Variants in CDON observed in about 807,000 individuals in gnomAD.
CDON encodes the protein cell adhesion molecule-related/down-regulated by oncogenes.
A neutral mutation model predicts 120.9 loss-of-function variants in CDON; 73 were observed. The ratio of observed to expected loss-of-function variants is 0.60; its 90% CI spans 0.50 to 0.73. CDON has a LOEUF of 0.73. Among genes scored for constraint, CDON ranks in the 30% least tolerant of loss-of-function variants. The pLI, the probability that CDON is intolerant of heterozygous loss-of-function variation, is 0.00. For synonymous variants in CDON, 566 were observed against 573.5 expected (o/e 0.99, Z 0.19); for missense variants, 1,470 against 1,587.3 (o/e 0.93, Z 1.26).
At position 126,011,947 on chromosome 11, in the gene CDON, G is replaced by T. The variant is rs145272128; in HGVS notation, c.1199-1253C>A. ...TTATCCCACATCAAAATGCGAAATG[G>T]GTCTCCTCCCTGCTGATCTGCAATG... is the stretch of plus-strand genomic sequence containing the variant. On this transcript the variant is annotated intron_variant, in intron 7 of 19. Transcript: ENST00000531738. Among the ~76,000 whole-genome samples the T allele has an allele frequency of 6.6e-3, 999 of 152,084 alleles. 14 individuals carry two copies. The highest frequency in any genetic ancestry group is 0.023 in the African/African-American group (956 of 41,482).
chr11:125,973,499 C>T (rs1004235149), intron 18 of CDON, among the ~76,000 whole-genome samples: 1 of 152,126 alleles, frequency 6.6e-6, no homozygotes, highest in African/African-American at 2.4e-5. Flanking sequence ...CCACTGCACT[C>T]CAGCCTGGGC....
intron 1 of CDON, among the ~76,000 whole-genome samples, chr11:126,049,155 A>G (rs1028429165): frequency 2.0e-5 from 3 of 152,252 alleles, no homozygotes; most frequent in Non-Finnish European, 4.4e-5. Context: ...AGATAAAAAT[A>G]CTACAGACAG....
intron 1 of CDON, among the ~76,000 whole-genome samples, chr11:126,027,019 C>T (rs1947809451): frequency 6.6e-6 from 1 of 152,210 alleles, no homozygotes; most frequent in African/African-American, 2.4e-5. Flanking sequence ...CTCATTACAG[C>T]TACCTAAATA....
rs200008378 is a variant in CDON at position 125,994,983 on chromosome 11, C to T, written c.2432G>A (p.Arg811His). Residue 811 changes from arginine to histidine, a missense_variant, in exon 13 of 20, where the codon CGT becomes CAT. By Grantham distance (29) the Arg-to-His change is conservative. Coordinates refer to ENST00000531738, the MANE Select transcript of CDON (RefSeq NM_001378964.1). ...GGGGAACCCAACCACTTGATAAGGA[C>T]GAGATGCTGAACTCCGAAAACTCTC... The part of the protein sequence containing the change: ...YGESFRSSAS[R>H]PYQVVGFPNR... 199 of 1,614,024 alleles carry T rather than the reference C, an allele frequency of 1.2e-4. 1 individual carries two copies. Among genetic ancestry groups the T allele is most frequent in the East Asian group, 8.5e-4 (38 of 44,880 alleles).
In CDON at chr11:125,994,276, GGACT is replaced by G. The variant is rs1197164679; in HGVS notation, c.2650+4_2650+7del. On this transcript the variant is annotated splice_donor_5th_base_variant and intron_variant, in intron 14 of 19. Transcript: ENST00000531738. ...TTTACAGGGACTCCAGTGTGCCAGG[GGACT>G]TACCTTCTACAACATCCCTCTTGTA... 1 of 1,468,982 alleles carries G rather than the reference GGACT, an allele frequency of 6.8e-7. No individual in the cohort carries two copies. Among genetic ancestry groups the G allele is most frequent in the Non-Finnish European group, 9.5e-7 (1 of 1,048,498 alleles). The allele number at this position is 1,468,982 out of a possible 1,614,324, so 91.0% of individuals were successfully genotyped here. A position where few individuals can be genotyped will look rare whatever the true frequency, so the allele number is the denominator to read the frequency against.
At chr11:125,966,258 A>G (rs1203208331) in intron 18 of CDON, among the ~76,000 whole-genome samples, 1 of 152,238 alleles carries the variant, frequency 6.6e-6, no homozygotes, top group Non-Finnish European at 1.5e-5. Flanking sequence ...AATACATTCA[A>G]TAAAGTAGAT....
In CDON at chr11:126,001,860, T is replaced by A; in HGVS notation, c.2027-10A>T. 6.3e-7 allele frequency: 1 copy of A among 1,579,862 alleles called. No individual in the cohort carries two copies. Among genetic ancestry groups the A allele is most frequent in the Non-Finnish European group, 8.7e-7 (1 of 1,148,692 alleles). ...GATGACGCTGTTTTTTCTAGAAAGG[T>A]AAATAAACATATACAGTAACATAAG... On this transcript the variant is annotated splice_polypyrimidine_tract_variant and intron_variant, in intron 10 of 19. Coordinates refer to ENST00000531738, the MANE Select transcript of CDON (RefSeq NM_001378964.1).
rs1395709168 is a variant in CDON, at chr11:125,959,989, A to G, written c.*953T>C. 4.6e-5 allele frequency: 7 copies of G among 152,222 alleles called. No individual in the cohort carries two copies. Among genetic ancestry groups the G allele is most frequent in the African/African-American group, 1.4e-4 (6 of 41,458 alleles). The allele number at this position is 152,222 out of a possible 1,614,324, so 9.4% of individuals were successfully genotyped here. Reference sequence around the variant, plus strand: ...TCTCTGGCCTTGGTTCCTTTTCTGCATACTGCCGTAATTCATCAAGACCTT... The same window carrying G: ...TCTCTGGCCTTGGTTCCTTTTCTGCGTACTGCCGTAATTCATCAAGACCTT... On this transcript the variant is annotated 3_prime_UTR_variant, in exon 20 of 20. Transcript: ENST00000531738.
At chr11:125,978,947 AG>A (rs1946217963) in intron 17 of CDON, among the ~76,000 whole-genome samples, 1 of 152,210 alleles carries the variant, frequency 6.6e-6, no homozygotes, top group Non-Finnish European at 1.5e-5. Context: ...AATGACTTGG[AG>A]GGGGTGTGTT....
chr11:126,023,702 T>C (rs1185885132), intron 1 of CDON, among the ~76,000 whole-genome samples, 165 bp from the exon 2 acceptor site: 4 of 152,250 alleles, frequency 2.6e-5, no homozygotes, highest in African/African-American at 9.6e-5. Flanking sequence ...GACTGATCTC[T>C]AGACACTAGA....
At chr11:126,018,643 G>A (rs937897357) in intron 4 of CDON, among the ~76,000 whole-genome samples, 170 bp from the exon 5 acceptor site, 1 of 151,886 alleles carries the variant, frequency 6.6e-6, no homozygotes, top group African/African-American at 2.4e-5. Context: ...AGCATGGCTC[G>A]CTACAGCCTG....
At chr11:126,016,978 A>C in intron 6 of CDON, 110 bp downstream of exon 6, 1 of 873,472 alleles carries the variant, frequency 1.1e-6, no homozygotes, top group Non-Finnish European at 1.8e-6. Flanking sequence ...TAGGGTATAG[A>C]TAGTTCTAGA....
chr11:125,989,875 T>A (rs767454768), intron 14 of CDON, 116 bp from the exon 15 acceptor site: 8 of 919,292 alleles, frequency 8.7e-6, no homozygotes, highest in Non-Finnish European at 1.4e-5. Context: ...TCCAGTAGTT[T>A]GTGCAATAAA....
chr11:126,026,686 G>C (rs1266760787), intron 1 of CDON, among the ~76,000 whole-genome samples: 1 of 152,162 alleles, frequency 6.6e-6, no homozygotes, highest in East Asian at 1.9e-4. Flanking sequence ...TAAAAAGTGG[G>C]AGAGGGACTA....
intron 9 of CDON, 117 bp downstream of exon 9, chr11:126,005,642 G>T: frequency 1.1e-6 from 1 of 948,958 alleles, no homozygotes. Context: ...AAACTCATCA[G>T]TCTGGAAGAC....
At chr11:126,024,895 T>C (rs1442096149) in intron 1 of CDON, among the ~76,000 whole-genome samples, 1 of 152,134 alleles carries the variant, frequency 6.6e-6, no homozygotes. Flanking sequence ...AATCTATTTG[T>C]TCAGGGAGAA....
At chr11:125,986,271 G>C (rs1946455616) in intron 15 of CDON, among the ~76,000 whole-genome samples, 1 of 152,086 alleles carries the variant, frequency 6.6e-6, no homozygotes, top group African/African-American at 2.4e-5. Flanking sequence ...CACAGGGCGG[G>C]GAACATCACA....
rs80244568 is a variant in CDON at position 126,005,659 on chromosome 11, T to A, written c.1851+100A>T. 9,627 of 1,119,622 alleles carry A rather than the reference T, an allele frequency of 8.6e-3. 472 individuals carry two copies. In the African/African-American group the frequency reaches 0.12, roughly 14 times the overall value. The allele number at this position is 1,119,622 out of a possible 1,614,324, so 69.4% of individuals were successfully genotyped here. ...ACTCATCAGTCTGGAAGACTCTTGT[T>A]CTGTTTCCTGCCATTCTACAAATGA... On this transcript the variant is annotated intron_variant, in intron 9 of 19. Coordinates refer to ENST00000531738, the MANE Select transcript of CDON (RefSeq NM_001378964.1).
rs767992591 is a variant in CDON, at chr11:125,973,599, G to A, written c.3356+4705C>T. 1.3e-4 allele frequency among the ~76,000 whole-genome samples: 20 copies of A among 152,168 alleles called. 1 individual carries two copies. The highest frequency in any genetic ancestry group is 2.5e-4 in the Non-Finnish European group (17 of 68,020). On this transcript the variant is annotated intron_variant, in intron 18 of 19. Coordinates refer to ENST00000531738, the MANE Select transcript of CDON (RefSeq NM_001378964.1). ...ATCCACAGATGTGCCATGGCTCTGTGTGATCTGATTTCACTCGCCTTTTAA... is the reference window on the plus strand; with the variant it reads ...ATCCACAGATGTGCCATGGCTCTGTATGATCTGATTTCACTCGCCTTTTAA...
Sources: gnomAD v4.1 joint callset for allele counts (sites outside exome capture counted in the v4.1 genomes callset) on GRCh38, gnomAD v4.1.1 for gene constraint, MANE v1.5 for transcripts, NCBI Gene and HGNC (gene_info 2026-07-23, HGNC 2026-07-21) for gene names.